The following MARCHF11 variants were observed in gnomAD, a reference collection of about 807,000 sequenced individuals.
MARCHF11 encodes the protein membrane associated ring-CH-type finger 11.
A neutral mutation model predicts 37.3 loss-of-function variants in MARCHF11; 29 were observed. That is an observed-to-expected ratio of 0.78 (90% CI 0.58 to 1.06). The LOEUF is 1.06. Among genes scored for constraint, MARCHF11 ranks in the 50% least tolerant of loss-of-function variants. The pLI, the probability that MARCHF11 is intolerant of heterozygous loss-of-function variation, is 0.00. For synonymous variants in MARCHF11, 233 were observed against 228.0 expected (o/e 1.02, Z -0.20); for missense variants, 482 against 533.4 (o/e 0.90, Z 0.95).
chr5:16,178,299 T>C lies in MARCHF11; in HGVS notation c.538-418A>G, dbSNP rs190590431. 6.6e-5 allele frequency among the ~76,000 whole-genome samples: 10 copies of C among 152,338 alleles called. No individual in the cohort carries two copies. In the East Asian group the frequency reaches 1.5e-3, roughly 24 times the overall value. On this transcript the variant is annotated intron_variant, in intron 1 of 3. Transcript: ENST00000332432. ...TTTTCTAAATGTAGCATCATAAATA[T>C]TGTCTTAGGGCACTATATTCCTGAA...
chr5:16,125,877 A>G (rs771489801), intron 2 of MARCHF11, among the ~76,000 whole-genome samples: 3 of 152,166 alleles, frequency 2.0e-5, no homozygotes, highest in Non-Finnish European at 4.4e-5. Flanking sequence ...CTGCACTTGT[A>G]CTTTTATCCA....
chr5:16,143,280 G>C, intron 2 of MARCHF11, among the ~76,000 whole-genome samples: 1 of 152,186 alleles, frequency 6.6e-6, no homozygotes, highest in East Asian at 1.9e-4. Flanking sequence ...CAGGGAGGCA[G>C]AGTCGTGTGG....
rs56782867 is a variant in MARCHF11, at chr5:16,085,939, C to CAAA, written c.886+4947_886+4949dup. Among the ~76,000 whole-genome samples, 43 of 40,974 alleles carry CAAA rather than the reference C, an allele frequency of 1.0e-3. 12 individuals carry two copies. The highest frequency in any genetic ancestry group is 4.1e-3 in the East Asian group (6 of 1,446). 26.9% of individuals were successfully genotyped at this position (40,974 alleles called of 152,430 possible). On this transcript the variant is annotated intron_variant, in intron 3 of 3. Coordinates refer to ENST00000332432, the MANE Select transcript of MARCHF11 (RefSeq NM_001102562.3). ...TGGGCGAAAGAGCAAGACTCCATCT[C>CAAA]AAAAAAAAAAAAAAAAAAAAAAAAA...
At chr5:16,167,044 A>G (rs531328859) in intron 2 of MARCHF11, among the ~76,000 whole-genome samples, 32 of 151,182 alleles carry the variant, frequency 2.1e-4, no homozygotes, top group African/African-American at 7.0e-4. Flanking sequence ...ATGTCCCAAC[A>G]TTACCCCATT....
chr5:16,124,333 T>C (rs1737363846), intron 2 of MARCHF11, among the ~76,000 whole-genome samples: 1 of 152,204 alleles, frequency 6.6e-6, no homozygotes, highest in Admixed American at 6.5e-5. Context: ...CAGGACTGGA[T>C]GACCGGGATT....
chr5:16,172,745 C>T (rs1738291538), intron 2 of MARCHF11, among the ~76,000 whole-genome samples: 1 of 152,108 alleles, frequency 6.6e-6, no homozygotes, highest in Non-Finnish European at 1.5e-5. Context: ...GTGGAAATGC[C>T]CCTTTCATGA....
At chr5:16,096,464 A>G (rs1401167019) in intron 2 of MARCHF11, among the ~76,000 whole-genome samples, 1 of 152,248 alleles carries the variant, frequency 6.6e-6, no homozygotes, top group Non-Finnish European at 1.5e-5. Context: ...AGGGTCCACC[A>G]GTCCTACAAA....
chr5:16,123,184 C>G (rs1460120281), intron 2 of MARCHF11, among the ~76,000 whole-genome samples: 3 of 152,172 alleles, frequency 2.0e-5, no homozygotes, highest in Non-Finnish European at 4.4e-5. Context: ...ATGTTGAAAT[C>G]CTAAGCCCCG....
At chr5:16,139,218 T>C (rs1390270376) in intron 2 of MARCHF11, among the ~76,000 whole-genome samples, 3 of 152,112 alleles carry the variant, frequency 2.0e-5, no homozygotes, top group East Asian at 3.9e-4. Context: ...AATTGAATCA[T>C]GGGGGTGGGT....
chr5:16,120,716 T>C (rs1247439286), intron 2 of MARCHF11, among the ~76,000 whole-genome samples: 1 of 152,156 alleles, frequency 6.6e-6, no homozygotes, highest in Non-Finnish European at 1.5e-5. Flanking sequence ...GGGTTGGCTG[T>C]GAGACTGGCT....
chr5:16,143,255 C>A (rs747702392), intron 2 of MARCHF11, among the ~76,000 whole-genome samples: 3 of 152,152 alleles, frequency 2.0e-5, no homozygotes, highest in Non-Finnish European at 4.4e-5. Flanking sequence ...GAGACCTCCA[C>A]GGATATGCTG....
intron 2 of MARCHF11, among the ~76,000 whole-genome samples, chr5:16,120,970 G>T (rs1290309973): frequency 6.6e-6 from 1 of 152,232 alleles, no homozygotes; most frequent in Non-Finnish European, 1.5e-5. Flanking sequence ...AATGGTGGTT[G>T]TTCTAAACCA....
chr5:16,080,433 A>G (rs1000604156), intron 3 of MARCHF11, among the ~76,000 whole-genome samples: 7 of 152,144 alleles, frequency 4.6e-5, no homozygotes, highest in Admixed American at 2.6e-4. Context: ...GGTTTCAACT[A>G]CCAGATACAA....
chr5:16,137,525 G>A (rs1021282497), intron 2 of MARCHF11, among the ~76,000 whole-genome samples: 1 of 152,104 alleles, frequency 6.6e-6, no homozygotes, highest in East Asian at 1.9e-4. Context: ...TATTAAAATT[G>A]ACTAATACAG....
chr5:16,077,357 C>CA (rs11372480), intron 3 of MARCHF11, among the ~76,000 whole-genome samples: 7,412 of 149,152 alleles, frequency 0.05, 388 homozygotes, highest in African/African-American at 0.13. Context: ...TGCAAACTCA[C>CA]AAAAAAAAAC....
At chr5:16,082,138 G>A (rs555053314) in intron 3 of MARCHF11, among the ~76,000 whole-genome samples, 2 of 152,282 alleles carry the variant, frequency 1.3e-5, no homozygotes, top group East Asian at 3.9e-4. Flanking sequence ...ATCACAAAGG[G>A]CTGCTCTGCC....
chr5:16,173,209 G>A (rs949871373), intron 2 of MARCHF11, among the ~76,000 whole-genome samples: 20 of 152,208 alleles, frequency 1.3e-4, no homozygotes, highest in African/African-American at 4.8e-4. Flanking sequence ...GGAGGAAGAA[G>A]GAAAGTTGGT....
At chr5:16,104,236 T>G (rs1361050711) in intron 2 of MARCHF11, among the ~76,000 whole-genome samples, 1 of 152,128 alleles carries the variant, frequency 6.6e-6, no homozygotes, top group African/African-American at 2.4e-5. Context: ...TCACTTCGTT[T>G]CATTATTCAA....
chr5:16,179,012 C>T (rs1343660590), intron 1 of MARCHF11, 27 bp downstream of exon 1: 1 of 1,413,354 alleles, frequency 7.1e-7, no homozygotes, highest in Non-Finnish European at 9.2e-7. Flanking sequence ...CCGCCACCGG[C>T]TGCCTCGGGG....
Sources: allele counts gnomAD v4.1 joint callset (sites outside exome capture counted in the v4.1 genomes callset), GRCh38; gene constraint gnomAD v4.1.1; transcripts MANE v1.5; gene names NCBI Gene and HGNC (gene_info 2026-07-23, HGNC 2026-07-21).